SLC22A2: variants seen among roughly 807,000 people sequenced by gnomAD.
SLC22A2 encodes the protein solute carrier family 22 member 2.
A neutral mutation model predicts 60.5 loss-of-function variants in SLC22A2; 46 were observed. That is an observed-to-expected ratio of 0.76 (90% confidence interval 0.60 to 0.97). The LOEUF (loss-of-function observed/expected upper bound fraction) is 0.97. Among genes scored for constraint, SLC22A2 ranks in the 50% least tolerant of loss-of-function variants. SLC22A2 has a pLI of 0.00. For synonymous variants in SLC22A2, 303 were observed against 267.0 expected (o/e 1.13, Z -1.31); for missense variants, 701 against 706.6 (o/e 0.99, Z 0.09).
At position 160,217,518 on chromosome 6, in the gene SLC22A2, T is replaced by G; in HGVS notation, c.1602-20A>C. The G allele has an allele frequency of 7.2e-7, 1 of 1,389,236 alleles. No homozygotes were observed. The allele number at this position is 1,389,236 out of a possible 1,614,324, so 86.1% of individuals were successfully genotyped here. Reference sequence around the variant, plus strand: ...CTTGGTCTGCAATAAGAAATAAAAATGGAGAGGGGAGAAAGAAATTATGAG... The same window carrying G: ...CTTGGTCTGCAATAAGAAATAAAAAGGGAGAGGGGAGAAAGAAATTATGAG... On this transcript the variant is annotated intron_variant, in intron 10 of 10. Coordinates refer to ENST00000366953, the MANE Select transcript of SLC22A2 (RefSeq NM_003058.4).
chr6:160,255,175 C>G (rs1278579251), intron 2 of SLC22A2, among the ~76,000 whole-genome samples: 3 of 152,216 alleles, frequency 2.0e-5, no homozygotes, highest in Non-Finnish European at 2.9e-5. Context: ...TTTCACCTTG[C>G]AAGCCTCCCG....
intron 2 of SLC22A2, among the ~76,000 whole-genome samples, chr6:160,253,500 T>A (rs1316480690): frequency 6.6e-6 from 1 of 152,106 alleles, no homozygotes; most frequent in Non-Finnish European, 1.5e-5. Context: ...TAGCTAGTCC[T>A]CAGTTTGGTC....
chr6:160,218,939 G>GCATCAGCAACAGCAA (rs1562428600), intron 10 of SLC22A2, among the ~76,000 whole-genome samples: 1 of 988 alleles, frequency 1.0e-3, no homozygotes, highest in Non-Finnish European at 2.1e-3. Context: ...AGAAGTAGCA[G>GCATCAGCAACAGCAA]TAGTAATAGC....
Position 160,217,446 on chromosome 6 carries a change from T to A in SLC22A2, c.1654A>T (p.Ile552Phe), listed in dbSNP as rs1053657020. 6.2e-7 allele frequency: 1 copy of A among 1,603,428 alleles called. No individual in the cohort carries two copies. Among genetic ancestry groups the A allele is most frequent in the African/African-American group, 1.3e-5 (1 of 74,654 alleles). ...MIYLQVQKLD[I>F]PLN ...GGTCTCTCTTCTTAGTTCAATGGAA[T>A]GTCTAGTTTCTGAACTTGGAGGTAA... The change falls in exon 11 of 11, where the codon ATT becomes TTT. Residue 552 changes from isoleucine (I) to phenylalanine (F), a missense_variant. Transcript: ENST00000366953.
At chr6:160,235,796 G>T (rs899001688) in intron 9 of SLC22A2, among the ~76,000 whole-genome samples, 1 of 151,862 alleles carries the variant, frequency 6.6e-6, no homozygotes, top group African/African-American at 2.4e-5. Flanking sequence ...TGTCTATGAA[G>T]GTTTAACATT....
At chr6:160,255,314 C>T (rs1177679168) in intron 2 of SLC22A2, among the ~76,000 whole-genome samples, 2 of 152,180 alleles carry the variant, frequency 1.3e-5, no homozygotes, top group South Asian at 2.1e-4. Flanking sequence ...CAGTTGGGCC[C>T]CAGGCCCCTG....
intron 9 of SLC22A2, among the ~76,000 whole-genome samples, chr6:160,233,812 T>C (rs1185167580): frequency 6.6e-6 from 1 of 151,822 alleles, no homozygotes; most frequent in East Asian, 1.9e-4. Context: ...GAACCAGCCC[T>C]GAGAAACATC....
Position 160,243,734 on chromosome 6 carries a change from C to A in SLC22A2, c.1117G>T (p.Gly373Cys). Residue 373 changes from glycine to cysteine, a missense_variant, in exon 7 of 11, where the codon GGT becomes TGT. By Grantham distance (159) the Gly-to-Cys change is radical (BLOSUM62 -3). Coordinates refer to ENST00000366953, the MANE Select transcript of SLC22A2 (RefSeq NM_003058.4). ...AAGAAATCCAGGTAGATATTGTCACCTGCAAGGCCCATGTGCATGATGAGG... is the reference window on the plus strand; with the variant it reads ...AAGAAATCCAGGTAGATATTGTCACATGCAAGGCCCATGTGCATGATGAGG... ...QGLIMHMGLAGDNIYLDFFYS... is the reference protein window; with the variant it reads ...QGLIMHMGLACDNIYLDFFYS... 6.2e-7 allele frequency: 1 copy of A among 1,614,006 alleles called. No individual in the cohort carries two copies. Among genetic ancestry groups the A allele is most frequent in the Non-Finnish European group, 8.5e-7 (1 of 1,179,956 alleles).
intron 9 of SLC22A2, among the ~76,000 whole-genome samples, chr6:160,232,323 A>T (rs1373210669): frequency 1.3e-5 from 2 of 151,994 alleles, no homozygotes; most frequent in African/African-American, 4.8e-5. Flanking sequence ...CACCAGGCTT[A>T]ATCGCCACAC....
At chr6:160,251,430 G>A (rs1167502254) in intron 2 of SLC22A2, among the ~76,000 whole-genome samples, 1 of 152,156 alleles carries the variant, frequency 6.6e-6, no homozygotes, top group East Asian at 1.9e-4. Flanking sequence ...TCTTCATCTG[G>A]AAAAGACCCA....
At chr6:160,231,072 GA>G (rs1782816508) in intron 9 of SLC22A2, among the ~76,000 whole-genome samples, 1 of 151,760 alleles carries the variant, frequency 6.6e-6, no homozygotes, top group South Asian at 2.1e-4. Context: ...AATCAATACG[GA>G]GGCTACCCAC....
chr6:160,252,255 A>G (rs534753866), intron 2 of SLC22A2, among the ~76,000 whole-genome samples: 20 of 152,328 alleles, frequency 1.3e-4, no homozygotes, highest in African/African-American at 4.8e-4. Context: ...TAATCTATAA[A>G]CATTGACTCA....
chr6:160,224,774 AC>A lies in SLC22A2; in HGVS notation c.1531del (p.Val511CysfsTer32). 6.2e-7 allele frequency: 1 copy of A among 1,601,280 alleles called. No individual in the cohort carries two copies. Among genetic ancestry groups the A allele is most frequent in the Non-Finnish European group, 8.5e-7 (1 of 1,172,622 alleles). On this transcript the variant is annotated frameshift_variant, in exon 10 of 11. Transcript: ENST00000366953. LOFTEE classifies it high-confidence loss of function. ...GVLGLVAGGL[V>X]LLLPETKGKA... ...CCCTTTAGTTTCTGGAAGCAACAGCACCAGACCTCCAGCAACCAAGCCAAGC... is the reference window on the plus strand; with the variant it reads ...CCCTTTAGTTTCTGGAAGCAACAGCACAGACCTCCAGCAACCAAGCCAAGC...
At chr6:160,254,690 A>G (rs1378129278) in intron 2 of SLC22A2, among the ~76,000 whole-genome samples, 1 of 152,230 alleles carries the variant, frequency 6.6e-6, no homozygotes, top group Non-Finnish European at 1.5e-5. Flanking sequence ...GCCAAGCTTC[A>G]GATGGTGTAA....
chr6:160,258,071 T>C (rs1207749612), intron 1 of SLC22A2: 2 of 408,776 alleles, frequency 4.9e-6, no homozygotes, highest in African/African-American at 4.1e-5. Context: ...TTTCCAGGAG[T>C]CCTAATATGC....
At chr6:160,227,922 G>A (rs1039594741) in intron 9 of SLC22A2, among the ~76,000 whole-genome samples, 1 of 152,204 alleles carries the variant, frequency 6.6e-6, no homozygotes, top group Non-Finnish European at 1.5e-5. Context: ...CCAGTACTGT[G>A]ACAGTTTACA....
Position 160,243,705 on chromosome 6 carries a change from G to A in SLC22A2, c.1146C>T (p.Tyr382=), listed in dbSNP as rs2114864643. 1 of 1,614,020 alleles carries A rather than the reference G, an allele frequency of 6.2e-7. No homozygotes were observed. Among genetic ancestry groups the A allele is most frequent in the Non-Finnish European group, 8.5e-7 (1 of 1,179,900 alleles). ...CAGCTGGGAATTCAACCAGGGCAGA[G>A]TAGAAGAAATCCAGGTAGATATTGT... ...AGDNIYLDFF[Y]SALVEFPAAF... Residue 382 remains tyrosine, a synonymous_variant, in exon 7 of 11, where the codon TAC becomes TAT. Transcript: ENST00000366953.
Position 160,243,752 on chromosome 6 carries a change from T to G in SLC22A2, c.1099A>C (p.Met367Leu), listed in dbSNP as rs2114864686. 2.5e-6 allele frequency: 4 copies of G among 1,613,918 alleles called. No individual in the cohort carries two copies. The East Asian group carries it at 8.9e-5, about 36-fold the overall frequency. Reference sequence around the variant, plus strand: ...TTGTCACCTGCAAGGCCCATGTGCATGATGAGGCCCTGGTAGAGCACAGAG... The same window carrying G: ...TTGTCACCTGCAAGGCCCATGTGCAGGATGAGGCCCTGGTAGAGCACAGAG... ...TSSVLYQGLI[M>L]HMGLAGDNIY... The change falls in exon 7 of 11, where the codon ATG becomes CTG. Residue 367 changes from methionine to leucine, a missense_variant. Met to Leu is a conservative substitution (Grantham distance 15, BLOSUM62 2). Coordinates refer to ENST00000366953, the MANE Select transcript of SLC22A2 (RefSeq NM_003058.4).
chr6:160,243,053 T>C (rs181251913), intron 7 of SLC22A2, among the ~76,000 whole-genome samples: 268 of 152,280 alleles, frequency 1.8e-3, no homozygotes, highest in African/African-American at 6.1e-3. Context: ...CAACTGCTAA[T>C]AACAAAAGGA....
Sources: gnomAD v4.1 joint callset for allele counts (sites outside exome capture counted in the v4.1 genomes callset) on GRCh38, gnomAD v4.1.1 for gene constraint, MANE v1.5 for transcripts, NCBI Gene and HGNC (gene_info 2026-07-23, HGNC 2026-07-21) for gene names.